C10orf90: variants seen among roughly 807,000 people sequenced by gnomAD.
C10orf90 encodes (E2-independent) E3 ubiquitin-conjugating enzyme FATS.
A neutral mutation model predicts 62.5 loss-of-function variants in C10orf90; 56 were observed. The observed-to-expected ratio is 0.90, with a 90% confidence interval of 0.72 to 1.12. C10orf90 has a LOEUF of 1.12. Ranked by LOEUF, C10orf90 falls within the 50% of genes most tolerant of loss-of-function variation. The pLI, the probability that C10orf90 is intolerant of heterozygous loss-of-function variation, is 0.00. For synonymous variants in C10orf90, 386 were observed against 340.4 expected (o/e 1.13, Z -1.47); for missense variants, 970 against 880.4 (o/e 1.10, Z -1.29).
chr10:126,514,124 C>G (rs536795956), intron 2 of C10orf90, among the ~76,000 whole-genome samples, 185 bp from the exon 3 acceptor site: 2 of 152,320 alleles, frequency 1.3e-5, no homozygotes, highest in East Asian at 1.9e-4. Context: ...CATTTAACCT[C>G]TCTGGGTTCG....
intron 1 of C10orf90, among the ~76,000 whole-genome samples, chr10:126,651,299 G>A (rs1846286275): frequency 6.6e-6 from 1 of 152,060 alleles, no homozygotes; most frequent in South Asian, 2.1e-4. Flanking sequence ...TTCTCCCTGG[G>A]TTTGTAGCAA....
intron 1 of C10orf90, among the ~76,000 whole-genome samples, 163 bp from the exon 2 acceptor site, chr10:126,646,800 C>T (rs41300564): frequency 0.03 from 4,489 of 152,156 alleles, 100 homozygotes; most frequent in South Asian, 0.062. Context: ...CCATTTTCTC[C>T]TGGGTTACCT....
At chr10:126,526,615 A>G (rs75322049) in intron 2 of C10orf90, among the ~76,000 whole-genome samples, 2,777 of 152,228 alleles carry the variant, frequency 0.018, 83 homozygotes, top group African/African-American at 0.064. Context: ...TTTAAAGTGC[A>G]CAATTCCGTG....
intron 4 of C10orf90, among the ~76,000 whole-genome samples, chr10:126,490,035 AAT>A (rs1350933389): frequency 3.1e-4 from 35 of 112,960 alleles, no homozygotes; most frequent in Middle Eastern, 7.8e-3. Context: ...TATAATATAT[AAT>A]ATATATTATA....
intron 2 of C10orf90, among the ~76,000 whole-genome samples, chr10:126,643,304 A>C (rs550223141): frequency 3.3e-5 from 5 of 152,112 alleles, no homozygotes; most frequent in Non-Finnish European, 7.3e-5. Context: ...TGGCCAGCCC[A>C]CTCCACAGGG....
chr10:126,509,471 G>C (rs1160283923), intron 3 of C10orf90, among the ~76,000 whole-genome samples: 1 of 152,160 alleles, frequency 6.6e-6, no homozygotes, highest in Non-Finnish European at 1.5e-5. Flanking sequence ...GGGTTTACCT[G>C]AATGACATAA....
intron 2 of C10orf90, among the ~76,000 whole-genome samples, chr10:126,528,148 C>A (rs952175962): frequency 9.2e-5 from 14 of 152,070 alleles, no homozygotes; most frequent in African/African-American, 3.4e-4. Context: ...TCCTTTGTCT[C>A]TGCTATGTAG....
intron 2 of C10orf90, among the ~76,000 whole-genome samples, chr10:126,515,278 G>A (rs1863374035): frequency 6.6e-6 from 1 of 152,122 alleles, no homozygotes; most frequent in African/African-American, 2.4e-5. Context: ...AGTGCTCATA[G>A]TCTGCAGTAG....
intron 2 of C10orf90, among the ~76,000 whole-genome samples, chr10:126,622,126 G>C (rs1211567955): frequency 6.6e-6 from 1 of 152,126 alleles, no homozygotes; most frequent in South Asian, 2.1e-4. Context: ...TGTCTGCAGG[G>C]ATCATATCTG....
chr10:126,589,206 T>C (rs1172732981), intron 2 of C10orf90, among the ~76,000 whole-genome samples: 1 of 152,118 alleles, frequency 6.6e-6, no homozygotes, highest in Non-Finnish European at 1.5e-5. Context: ...TATGGGATTA[T>C]GTAAAGAGAA....
intron 2 of C10orf90, among the ~76,000 whole-genome samples, chr10:126,523,796 C>T (rs1189016487): frequency 6.6e-6 from 1 of 151,614 alleles, no homozygotes; most frequent in Non-Finnish European, 1.5e-5. Flanking sequence ...AATTTGCCTA[C>T]TCTAGGAACC....
chr10:126,439,499 C>A (rs1858160481), intron 7 of C10orf90, among the ~76,000 whole-genome samples: 1 of 151,822 alleles, frequency 6.6e-6, no homozygotes, highest in Non-Finnish European at 1.5e-5. Context: ...CATCATCTGA[C>A]AAAGAATTCA....
chr10:126,526,690 A>G (rs1863959716), intron 2 of C10orf90, among the ~76,000 whole-genome samples: 1 of 152,126 alleles, frequency 6.6e-6, no homozygotes, highest in Non-Finnish European at 1.5e-5. Flanking sequence ...ATCATCCCCA[A>G]AAGAAGTCCC....
At chr10:126,546,523 T>G (rs1864495321) in intron 2 of C10orf90, among the ~76,000 whole-genome samples, 1 of 152,072 alleles carries the variant, frequency 6.6e-6, no homozygotes, top group South Asian at 2.1e-4. Flanking sequence ...CAGGACCACC[T>G]CCAGGGTAGT....
At chr10:126,532,674 A>G (rs1007210066) in intron 2 of C10orf90, among the ~76,000 whole-genome samples, 6 of 150,402 alleles carry the variant, frequency 4.0e-5, no homozygotes, top group Non-Finnish European at 8.9e-5. Context: ...CGTCTCTACT[A>G]AAAATACAAA....
chr10:126,661,477 T>C (rs930978038), intron 1 of C10orf90, among the ~76,000 whole-genome samples: 5 of 152,194 alleles, frequency 3.3e-5, no homozygotes, highest in Admixed American at 2.0e-4. Flanking sequence ...CAGTGCTCTT[T>C]CTCTTAATCA....
At chr10:126,462,923 C>T (rs1023306477) in intron 5 of C10orf90, among the ~76,000 whole-genome samples, 18 of 152,192 alleles carry the variant, frequency 1.2e-4, no homozygotes, top group African/African-American at 4.3e-4. Flanking sequence ...TCTCTACCAA[C>T]AGCACACCAC....
At chr10:126,463,396 T>C (rs968766696) in intron 5 of C10orf90, 1 of 152,254 alleles carries the variant, frequency 6.6e-6, no homozygotes, top group African/African-American at 2.4e-5. Context: ...CACGAGGCAG[T>C]AGTTTCCTCT....
chr10:126,650,831 C>T (rs775400052), intron 1 of C10orf90, among the ~76,000 whole-genome samples: 1 of 152,120 alleles, frequency 6.6e-6, no homozygotes. Flanking sequence ...AACAAGAAAA[C>T]GGTGGCTCTG....
Sources: gnomAD v4.1 joint callset for allele counts (sites outside exome capture counted in the v4.1 genomes callset) on GRCh38, gnomAD v4.1.1 for gene constraint, MANE v1.5 for transcripts, NCBI Gene and HGNC (gene_info 2026-07-23, HGNC 2026-07-21) for gene names.